PHYHD1: variants seen among roughly 807,000 people sequenced by gnomAD.
The protein encoded by PHYHD1 is phytanoyl-CoA dioxygenase domain-containing protein 1.
In PHYHD1, 42 loss-of-function variants were observed where a neutral mutation model predicts 43.6. That is an observed-to-expected ratio of 0.96 (90% CI 0.75 to 1.25). The LOEUF is 1.25. Ranked by LOEUF, PHYHD1 falls within the 50% of genes most tolerant of loss-of-function variation. The pLI is 0.00. For synonymous variants in PHYHD1, 139 were observed against 143.6 expected (o/e 0.97, Z 0.23); for missense variants, 342 against 370.8 (o/e 0.92, Z 0.64).
intron 8 of PHYHD1, among the ~76,000 whole-genome samples, chr9:128,937,533 G>A (rs949625976): frequency 3.3e-5 from 5 of 152,224 alleles, no homozygotes; most frequent in African/African-American, 7.2e-5. Context: ...TGTTAGGCAT[G>A]TGTGTGCTTG....
chr9:128,923,413 C>G (rs193011908), intron 3 of PHYHD1, among the ~76,000 whole-genome samples: 2 of 152,188 alleles, frequency 1.3e-5, no homozygotes, highest in South Asian at 4.1e-4. Context: ...ACTGCTATCC[C>G]CGTTTGGTAG....
chr9:128,934,142 C>T lies in PHYHD1; in HGVS notation c.316+84C>T, dbSNP rs973962139. 6 of 1,422,708 alleles carry T rather than the reference C, an allele frequency of 4.2e-6. No homozygotes were observed. In the African/African-American group the frequency reaches 8.5e-5, roughly 20 times the overall value. 88.1% of individuals were successfully genotyped at this position (1,422,708 alleles called of 1,614,324 possible). ...CTTACACTTGTAATCCTAACTAACA[C>T]TTTGAGAAGTCAAGGTGGGCAGATC... On this transcript the variant is annotated intron_variant, in intron 6 of 12. Coordinates refer to ENST00000372592, the MANE Select transcript of PHYHD1 (RefSeq NM_001100876.2).
rs1490095894 is a variant in PHYHD1 at position 128,921,545 on chromosome 9, G to C, written c.-283G>C. On this transcript the variant is annotated 5_prime_UTR_variant, in exon 1 of 13. Transcript: ENST00000372592. ...GATTTCCTGACCTCGTGATCCGCGCGCCTCTGCCTCCAAAGTGCTGGGATT... is the reference window on the plus strand; with the variant it reads ...GATTTCCTGACCTCGTGATCCGCGCCCCTCTGCCTCCAAAGTGCTGGGATT... 6.6e-6 allele frequency: 1 copy of C among 152,350 alleles called. No homozygotes were observed. The highest frequency in any genetic ancestry group is 2.4e-5 in the African/African-American group (1 of 41,442). 9.4% of individuals were successfully genotyped at this position (152,350 alleles called of 1,614,324 possible).
At chr9:128,936,166 C>A (rs1170870146) in intron 6 of PHYHD1, among the ~76,000 whole-genome samples, 1 of 151,766 alleles carries the variant, frequency 6.6e-6, no homozygotes. Flanking sequence ...GATTGCTCCG[C>A]ATGATTGGTG....
rs1588241684 is a variant in PHYHD1, at chr9:128,922,066, T to C, written c.-42+19T>C. 5 of 506,860 alleles carry C rather than the reference T, an allele frequency of 9.9e-6. No homozygotes were observed. Among genetic ancestry groups the C allele is most frequent in the Non-Finnish European group, 1.4e-5 (4 of 285,240 alleles). The allele number at this position is 506,860 out of a possible 1,614,324, so 31.4% of individuals were successfully genotyped here. On this transcript the variant is annotated intron_variant, in intron 2 of 12. Transcript: ENST00000372592. ...GCACCTGGTAAGCAGTGGTGGGGGG[T>C]GGTTTCCAGAAGAAACACAGAGGAA... is the stretch of plus-strand genomic sequence containing the variant.
intron 4 of PHYHD1, among the ~76,000 whole-genome samples, chr9:128,933,094 GC>G (rs1841336613): frequency 7.0e-6 from 1 of 143,836 alleles, no homozygotes; most frequent in South Asian, 2.2e-4. Flanking sequence ...CTCGTGATCC[GC>G]CCACCTCGGC....
chr9:128,932,211 C>T (rs1841309510), intron 4 of PHYHD1, among the ~76,000 whole-genome samples: 1 of 140,280 alleles, frequency 7.1e-6, no homozygotes, highest in South Asian at 2.2e-4. Context: ...TGGAGTCTCG[C>T]ACTGTCACCC....
intron 3 of PHYHD1, among the ~76,000 whole-genome samples, 174 bp downstream of exon 3, chr9:128,922,530 G>A (rs552812846): frequency 6.6e-6 from 1 of 152,190 alleles, no homozygotes; most frequent in Non-Finnish European, 1.5e-5. Context: ...ACATAGCCCT[G>A]GGTGTCTAGA....
chr9:128,934,438 G>GGGAAACTGC (rs1326252262), intron 6 of PHYHD1, among the ~76,000 whole-genome samples: 1 of 151,654 alleles, frequency 6.6e-6, no homozygotes. Context: ...GGGGAAACTG[G>GGGAAACTGC]GGAAACTGAA....
At chr9:128,928,317 G>A (rs1841188766) in intron 4 of PHYHD1, among the ~76,000 whole-genome samples, 1 of 152,164 alleles carries the variant, frequency 6.6e-6, no homozygotes, top group African/African-American at 2.4e-5. Flanking sequence ...GGCCACTCAA[G>A]GGTTCCTAGG....
Position 128,942,018 on chromosome 9 carries a change from TA to T in PHYHD1, c.*310del. On this transcript the variant is annotated 3_prime_UTR_variant, in exon 13 of 13. Coordinates refer to ENST00000372592, the MANE Select transcript of PHYHD1 (RefSeq NM_001100876.2). ...GGTTATTATGGTGTTAGTTATCGAA[TA>T]AAAACGACTTCAGAATGCAGCTTCC... 2 of 445,854 alleles carry T rather than the reference TA, an allele frequency of 4.5e-6. No individual in the cohort carries two copies. The highest frequency in any genetic ancestry group is 3.6e-5 in the East Asian group (1 of 27,468). The allele number at this position is 445,854 out of a possible 1,614,324, so 27.6% of individuals were successfully genotyped here. A position where few individuals can be genotyped will look rare whatever the true frequency, so the allele number is the denominator to read the frequency against.
At chr9:128,933,895 G>A (rs1257091743) in intron 5 of PHYHD1, 38 bp downstream of exon 5, 2 of 1,608,420 alleles carry the variant, frequency 1.2e-6, no homozygotes, top group Non-Finnish European at 1.7e-6. Flanking sequence ...GAGGAGCCAT[G>A]GTGAGGGTAG....
At chr9:128,924,663 G>C (rs17432734) in intron 3 of PHYHD1, among the ~76,000 whole-genome samples, 1 of 151,100 alleles carries the variant, frequency 6.6e-6, no homozygotes, top group Non-Finnish European at 1.5e-5. Flanking sequence ...GGCTGGGTGC[G>C]GTGGCTCATG....
chr9:128,929,533 C>T (rs1841219239), intron 4 of PHYHD1, among the ~76,000 whole-genome samples: 1 of 151,790 alleles, frequency 6.6e-6, no homozygotes, highest in African/African-American at 2.4e-5. Context: ...ATTAGCTGGG[C>T]ATGGTGGCAG....
intron 6 of PHYHD1, among the ~76,000 whole-genome samples, chr9:128,934,870 T>C (rs772131913): frequency 6.6e-6 from 1 of 151,940 alleles, no homozygotes; most frequent in Non-Finnish European, 1.5e-5. Flanking sequence ...TGGGCCCCTC[T>C]GCTAATCATG....
Position 128,940,372 on chromosome 9 carries a change from C to T in PHYHD1, c.461C>T (p.Ser154Phe). 1 of 1,614,160 alleles carries T rather than the reference C, an allele frequency of 6.2e-7. No individual in the cohort carries two copies. The highest frequency in any genetic ancestry group is 8.5e-7 in the Non-Finnish European group (1 of 1,180,032). The change falls in exon 10 of 13, where the codon TCC becomes TTC. Residue 154 changes from serine to phenylalanine, a missense_variant. Physicochemically the swap from Ser to Phe is radical, Grantham distance 155. Coordinates refer to ENST00000372592, the MANE Select transcript of PHYHD1 (RefSeq NM_001100876.2). Reference sequence around the variant, plus strand: ...CACCCCCCGTGGGCCTGCTTAGTCTCCCCTCATCAGGACGCCTCCTTCCTG... The same window carrying T: ...CACCCCCCGTGGGCCTGCTTAGTCTTCCCTCATCAGGACGCCTCCTTCCTG... ...FKQPHFGGEV[S>F]PHQDASFLYT...
chr9:128,926,370 C>T (rs761071783), intron 3 of PHYHD1, among the ~76,000 whole-genome samples: 1 of 151,494 alleles, frequency 6.6e-6, no homozygotes, highest in African/African-American at 2.4e-5. Flanking sequence ...CTGCCTCAGC[C>T]TCCCGAGGAG....
At chr9:128,940,848 C>T in intron 11 of PHYHD1, 133 bp downstream of exon 11, 1 of 860,562 alleles carries the variant, frequency 1.2e-6, no homozygotes, top group East Asian at 2.6e-5. Context: ...GAAGGAGGGG[C>T]TGGATGGGCG....
intron 4 of PHYHD1, among the ~76,000 whole-genome samples, chr9:128,931,919 C>T (rs1841289262): frequency 6.6e-6 from 1 of 151,558 alleles, no homozygotes; most frequent in Non-Finnish European, 1.5e-5. Context: ...ATTGCAACCT[C>T]CACCTCCTGG....
Sources: allele counts gnomAD v4.1 joint callset (sites outside exome capture counted in the v4.1 genomes callset), GRCh38; gene constraint gnomAD v4.1.1; transcripts MANE v1.5; gene names NCBI Gene and HGNC (gene_info 2026-07-23, HGNC 2026-07-21).